DGKI: variants seen among roughly 807,000 people sequenced by gnomAD.
The protein encoded by DGKI is diacylglycerol kinase iota.
DGKI carries 55 observed loss-of-function variants against 147.5 expected under a neutral mutation model. The ratio of observed to expected loss-of-function variants is 0.37; its 90% CI spans 0.30 to 0.47. DGKI has a LOEUF of 0.47. Among genes scored for constraint, DGKI ranks in the 20% least tolerant of loss-of-function variants. The pLI, the probability that DGKI is intolerant of heterozygous loss-of-function variation, is 1.00. For missense variants in DGKI, 1,007 were observed against 1,323.8 expected (o/e 0.76, Z 3.71); for synonymous variants, 469 against 477.1 (o/e 0.98, Z 0.22).
chr7:137,410,221 C>T (rs564180872), intron 29 of DGKI, among the ~76,000 whole-genome samples: 4 of 152,152 alleles, frequency 2.6e-5, no homozygotes, highest in East Asian at 1.9e-4. Flanking sequence ...CTGGCTAACA[C>T]GGTGAAACCC....
chr7:137,527,895 C>A (rs866452729), intron 20 of DGKI, among the ~76,000 whole-genome samples: 1 of 152,032 alleles, frequency 6.6e-6, no homozygotes, highest in Non-Finnish European at 1.5e-5. Context: ...TGAACTGGCT[C>A]GTTTTATAAA....
chr7:137,471,688 G>A (rs932723092), intron 23 of DGKI, among the ~76,000 whole-genome samples: 9 of 151,918 alleles, frequency 5.9e-5, no homozygotes, highest in African/African-American at 1.9e-4. Flanking sequence ...TAGTAAACTA[G>A]AAACCTGGAG....
At chr7:137,830,982 T>C (rs765185227) in intron 1 of DGKI, among the ~76,000 whole-genome samples, 1 of 152,226 alleles carries the variant, frequency 6.6e-6, no homozygotes, top group Non-Finnish European at 1.5e-5. Context: ...TACTCAGAGT[T>C]GTTGTGAGAA....
At chr7:137,554,823 G>C (rs1818166570) in intron 19 of DGKI, among the ~76,000 whole-genome samples, 1 of 151,216 alleles carries the variant, frequency 6.6e-6, no homozygotes, top group South Asian at 2.1e-4. Context: ...TCAAGCGCAA[G>C]AGATCATCTG....
intron 6 of DGKI, among the ~76,000 whole-genome samples, chr7:137,637,199 G>C (rs912472224): frequency 6.6e-6 from 1 of 152,128 alleles, no homozygotes; most frequent in African/African-American, 2.4e-5. Flanking sequence ...ACCCAGTCCT[G>C]GTGCTTTTAC....
intron 32 of DGKI, among the ~76,000 whole-genome samples, chr7:137,393,225 A>T (rs200282449): frequency 2.6e-5 from 4 of 151,092 alleles, no homozygotes; most frequent in Admixed American, 6.6e-5. Context: ...AGCTATTTCC[A>T]TTTTTTTTTA....
At chr7:137,779,543 A>T (rs1186500245) in intron 1 of DGKI, among the ~76,000 whole-genome samples, 1 of 152,208 alleles carries the variant, frequency 6.6e-6, no homozygotes, top group East Asian at 1.9e-4. Context: ...TTGGAAAAAC[A>T]TATTTACCAA....
intron 9 of DGKI, 91 bp downstream of exon 9, chr7:137,609,444 A>G (rs1820291263): frequency 1.1e-6 from 1 of 936,844 alleles, no homozygotes; most frequent in Non-Finnish European, 1.7e-6. Flanking sequence ...AAGATAGATC[A>G]GAAAAATCAA....
chr7:137,558,872 T>C (rs1417957292), intron 19 of DGKI, among the ~76,000 whole-genome samples: 2 of 97,606 alleles, frequency 2.0e-5, no homozygotes, highest in Non-Finnish European at 3.9e-5. Flanking sequence ...TAAAGCTCCA[T>C]GGTAAAACAT....
Position 137,800,064 on chromosome 7 carries a change from G to A in DGKI, c.401+46398C>T, listed in dbSNP as rs550242904. On this transcript the variant is annotated intron_variant, in intron 1 of 32. Transcript: ENST00000614521. ...GGCATGGTTGCTTTAGGACAACCAG[G>A]ACCTTTTAAGGAGAATGAGAAATCT... 2.1e-4 allele frequency among the ~76,000 whole-genome samples: 32 copies of A among 152,270 alleles called. 1 individual carries two copies. In the South Asian group the frequency reaches 6.6e-3, roughly 32 times the overall value.
intron 23 of DGKI, among the ~76,000 whole-genome samples, chr7:137,484,182 T>A (rs1371738252): frequency 2.1e-4 from 32 of 152,090 alleles, no homozygotes; most frequent in African/African-American, 7.2e-4. Context: ...AGGCCATTCC[T>A]GTCATTAAGG....
chr7:137,649,997 G>A (rs933615699), intron 5 of DGKI, among the ~76,000 whole-genome samples: 17 of 151,988 alleles, frequency 1.1e-4, no homozygotes, highest in Admixed American at 9.2e-4. Context: ...TAGTGGAAAC[G>A]AAGCAGAGGT....
chr7:137,397,247 A>G (rs1811586639), intron 31 of DGKI, 130 bp downstream of exon 31: 1 of 833,626 alleles, frequency 1.2e-6, no homozygotes, highest in Admixed American at 2.8e-5. Context: ...ACATTTATGA[A>G]CAAAGTTGAA....
chr7:137,405,539 A>G (rs1811912287), intron 30 of DGKI, among the ~76,000 whole-genome samples: 1 of 152,244 alleles, frequency 6.6e-6, no homozygotes, highest in Non-Finnish European at 1.5e-5. Context: ...AGACCGGGAC[A>G]TAAGGGAGTG....
intron 12 of DGKI, among the ~76,000 whole-genome samples, chr7:137,590,811 G>C (rs576571525): frequency 5.3e-5 from 8 of 152,126 alleles, no homozygotes; most frequent in African/African-American, 1.9e-4. Context: ...TCCAGCCTCC[G>C]CCACGCGAGC....
At chr7:137,803,430 G>A (rs1797273022) in intron 1 of DGKI, among the ~76,000 whole-genome samples, 1 of 152,174 alleles carries the variant, frequency 6.6e-6, no homozygotes, top group South Asian at 2.1e-4. Context: ...ATGTTAAAAA[G>A]ATCCTCATAT....
At chr7:137,417,679 G>C (rs1454360433) in intron 28 of DGKI, among the ~76,000 whole-genome samples, 1 of 152,208 alleles carries the variant, frequency 6.6e-6, no homozygotes, top group Non-Finnish European at 1.5e-5. Context: ...TTAATCCCCA[G>C]TGTGGTATTA....
chr7:137,821,879 G>T (rs1797912307), intron 1 of DGKI, among the ~76,000 whole-genome samples: 1 of 152,182 alleles, frequency 6.6e-6, no homozygotes, highest in Non-Finnish European at 1.5e-5. Context: ...GAAGGTGAGG[G>T]TGTGAGGAGG....
In DGKI at chr7:137,720,554, G is replaced by A. The variant is rs112726076; in HGVS notation, c.402-30552C>T. On this transcript the variant is annotated intron_variant, in intron 1 of 32. Coordinates refer to ENST00000614521, the MANE Select transcript of DGKI (RefSeq NM_001321708.2). ...ATTACAGGTGTGAGCCACCGCGCCC[G>A]GCCGAAAAAGTCTTGAGTCCTTATA... is the stretch of plus-strand genomic sequence containing the variant. 9.1e-3 allele frequency among the ~76,000 whole-genome samples: 1,389 copies of A among 152,102 alleles called. 29 individuals are homozygous for A. Among genetic ancestry groups the A allele is most frequent in the African/African-American group, 0.031 (1,298 of 41,520 alleles).
Sources: allele counts gnomAD v4.1 joint callset (sites outside exome capture counted in the v4.1 genomes callset), GRCh38; gene constraint gnomAD v4.1.1; transcripts MANE v1.5; gene names NCBI Gene and HGNC (gene_info 2026-07-23, HGNC 2026-07-21).